Variants in RPH3A observed in about 807,000 individuals in gnomAD.
RPH3A encodes the protein rabphilin-3A.
In RPH3A, 48 loss-of-function variants were observed where a neutral mutation model predicts 102.2. The observed-to-expected ratio is 0.47, with a 90% CI of 0.37 to 0.60. The LOEUF (loss-of-function observed/expected upper bound fraction) is 0.60, where lower values mean the gene tolerates loss of function less well. RPH3A is among the 20% of genes least tolerant of loss of function. The pLI is 0.00. For missense variants in RPH3A, 781 were observed against 910.1 expected (o/e 0.86, Z 1.83); for synonymous variants, 310 against 324.3 (o/e 0.96, Z 0.47).
intron 1 of RPH3A, among the ~76,000 whole-genome samples, chr12:112,594,982 G>A (rs2039506463): frequency 6.6e-6 from 1 of 152,158 alleles, no homozygotes; most frequent in African/African-American, 2.4e-5. Flanking sequence ...AGTGGAAACA[G>A]GCATTTGTCA....
rs758828228 is a variant in RPH3A at position 112,883,351 on chromosome 12, C to T, written c.1385C>T (p.Thr462Ile). ...ACCCGGAACCCCATCTGGAATGAGA[C>T]CCTCGTGTATCACGGCATCACCGAT... ...RNTRNPIWNE[T>I]LVYHGITDED... The change falls in exon 16 of 22, where the codon ACC (threonine) becomes ATC (isoleucine). Residue 462 changes from threonine (T) to isoleucine (I), a missense_variant. Thr to Ile is a moderately conservative substitution (Grantham distance 89). Around this residue, in one of 2 missense-constraint regions of RPH3A, gnomAD observed 730 missense variants for 810.0 expected, o/e 0.90. Transcript: ENST00000389385. 2 of 1,614,088 alleles carry T rather than the reference C, an allele frequency of 1.2e-6. No homozygotes were observed. The highest frequency in any genetic ancestry group is 1.7e-6 in the Non-Finnish European group (2 of 1,180,006).
At chr12:112,578,396 A>T (rs1328455415) in intron 1 of RPH3A, among the ~76,000 whole-genome samples, 1 of 152,218 alleles carries the variant, frequency 6.6e-6, no homozygotes, top group East Asian at 1.9e-4. Context: ...TAATTCCAGC[A>T]ACTAATAATG....
At chr12:112,772,359 T>C (rs1386778304) in intron 1 of RPH3A, among the ~76,000 whole-genome samples, 1 of 152,294 alleles carries the variant, frequency 6.6e-6, no homozygotes, top group South Asian at 2.1e-4. Context: ...GGTTGTCCTG[T>C]ACATAACAGA....
chr12:112,690,398 A>C (rs1027295569), intron 1 of RPH3A, among the ~76,000 whole-genome samples: 2 of 152,210 alleles, frequency 1.3e-5, no homozygotes, highest in Non-Finnish European at 2.9e-5. Context: ...AATGGGGAAG[A>C]AAGTGCCATG....
chr12:112,693,251 T>C (rs1356901253), intron 1 of RPH3A, among the ~76,000 whole-genome samples: 1 of 152,238 alleles, frequency 6.6e-6, no homozygotes, highest in Non-Finnish European at 1.5e-5. Flanking sequence ...TGGTATTTAC[T>C]TTGGCTTATA....
chr12:112,587,607 G>C (rs927845981), intron 1 of RPH3A, among the ~76,000 whole-genome samples: 24 of 152,098 alleles, frequency 1.6e-4, no homozygotes, highest in Non-Finnish European at 5.9e-5. Context: ...TCAGGTTTTT[G>C]TACAACATCA....
chr12:112,713,565 G>GAAA (rs5800967), intron 1 of RPH3A, among the ~76,000 whole-genome samples: 1 of 148,986 alleles, frequency 6.7e-6, no homozygotes, highest in African/African-American at 2.5e-5. Flanking sequence ...AGATTTGCAG[G>GAAA]AAAAAAAAAA....
At chr12:112,879,880 G>A (rs1261027584) in intron 14 of RPH3A, among the ~76,000 whole-genome samples, 1 of 152,216 alleles carries the variant, frequency 6.6e-6, no homozygotes, top group Non-Finnish European at 1.5e-5. Context: ...ATTCCTAGCT[G>A]TGTGACTTGG....
chr12:112,579,321 G>T (rs2039380443), intron 1 of RPH3A, among the ~76,000 whole-genome samples: 1 of 152,146 alleles, frequency 6.6e-6, no homozygotes, highest in Non-Finnish European at 1.5e-5. Flanking sequence ...TGCAGAGCTG[G>T]CTTCACCCAA....
At chr12:112,586,862 C>T (rs2039442849) in intron 1 of RPH3A, among the ~76,000 whole-genome samples, 2 of 152,156 alleles carry the variant, frequency 1.3e-5, no homozygotes, top group Admixed American at 1.3e-4. Context: ...TGTTCACTAC[C>T]ACACAATACC....
intron 1 of RPH3A, among the ~76,000 whole-genome samples, chr12:112,784,685 T>C (rs1187747958): frequency 1.3e-5 from 2 of 152,194 alleles, no homozygotes; most frequent in Non-Finnish European, 2.9e-5. Flanking sequence ...TCCAGTCTGA[T>C]GGGGGAGCCA....
At chr12:112,895,377 C>G (rs2043163140) in intron 20 of RPH3A, 1 of 162,112 alleles carries the variant, frequency 6.2e-6, no homozygotes, top group Non-Finnish European at 1.4e-5. Flanking sequence ...GCTGGAATTA[C>G]AGGTGTGAGC....
chr12:112,605,370 A>G (rs764723101), intron 1 of RPH3A, among the ~76,000 whole-genome samples: 2 of 152,180 alleles, frequency 1.3e-5, no homozygotes, highest in African/African-American at 4.8e-5. Flanking sequence ...GCAAGACTCC[A>G]TCTCAAACAA....
chr12:112,719,690 C>T (rs1312852312), intron 1 of RPH3A, among the ~76,000 whole-genome samples: 3 of 149,726 alleles, frequency 2.0e-5, no homozygotes, highest in African/African-American at 4.9e-5. Flanking sequence ...ACAAGAATGG[C>T]ATGCAATAAA....
intron 1 of RPH3A, among the ~76,000 whole-genome samples, chr12:112,698,365 A>T (rs2040367744): frequency 6.6e-6 from 1 of 152,266 alleles, no homozygotes; most frequent in Non-Finnish European, 1.5e-5. Flanking sequence ...CTTAGCTAAG[A>T]CAAAAAAGCA....
chr12:112,632,984 G>C lies in RPH3A; in HGVS notation c.-140+57665G>C, dbSNP rs61320360. ...AAGGCAGGAGGATGACTTGAGTCCA[G>C]GAGTTCAAGGCTAGCCTGGGAAACA... On this transcript the variant is annotated intron_variant, in intron 1 of 21. Coordinates refer to the RPH3A transcript ENST00000543106. Among the ~76,000 whole-genome samples, 980 of 152,100 alleles carry C rather than the reference G, an allele frequency of 6.4e-3. 17 individuals carry two copies. Among genetic ancestry groups the C allele is most frequent in the African/African-American group, 0.023 (955 of 41,494 alleles).
intron 1 of RPH3A, among the ~76,000 whole-genome samples, chr12:112,639,209 G>T (rs1400884880): frequency 1.3e-5 from 2 of 152,158 alleles, no homozygotes; most frequent in African/African-American, 4.8e-5. Flanking sequence ...GACCTCCTAA[G>T]CGGGACTGGG....
At chr12:112,835,310 T>G (rs2042030412) in intron 3 of RPH3A, among the ~76,000 whole-genome samples, 1 of 152,188 alleles carries the variant, frequency 6.6e-6, no homozygotes, top group African/African-American at 2.4e-5. Context: ...AGCCAAAAAG[T>G]GTGTCTCTGT....
At chr12:112,786,476 T>C (rs1297485473) in intron 1 of RPH3A, among the ~76,000 whole-genome samples, 3 of 152,254 alleles carry the variant, frequency 2.0e-5, no homozygotes, top group Non-Finnish European at 1.5e-5. Context: ...CCTGGAAAGC[T>C]GCCCTGTGAC....
Sources: gnomAD v4.1 joint callset for allele counts (sites outside exome capture counted in the v4.1 genomes callset) on GRCh38, gnomAD v4.1.1 for gene constraint, gnomAD v4.1.1 regional missense constraint, MANE v1.5 for transcripts, NCBI Gene and HGNC (gene_info 2026-07-23, HGNC 2026-07-21) for gene names.